ZSCAN25: variants seen among roughly 807,000 people sequenced by gnomAD.
ZSCAN25 encodes the protein zinc finger and SCAN domain-containing protein 25.
In ZSCAN25, 27 loss-of-function variants were observed where a neutral mutation model predicts 38.7. That is an observed-to-expected ratio of 0.70 (90% CI 0.51 to 0.96). The LOEUF (loss-of-function observed/expected upper bound fraction) is 0.96. Ranked by LOEUF, ZSCAN25 falls within the 40% of genes least tolerant of loss-of-function variation. The pLI, the probability that ZSCAN25 is intolerant of heterozygous loss-of-function variation, is 0.00. For synonymous variants in ZSCAN25, 273 were observed against 277.7 expected, an observed-to-expected ratio of 0.98 and a Z score of 0.17; for missense variants, 637 against 705.9, an observed-to-expected ratio of 0.90 and a Z score of 1.11.
Position 99,631,824 on chromosome 7 carries a change from G to A in ZSCAN25, c.*1804G>A. On this transcript the variant is annotated 3_prime_UTR_variant, in exon 8 of 8. Transcript: ENST00000394152. The stretch of plus-strand genomic sequence containing the variant: ...AGGCTGCACTGACTGGGTCGTAAAT[G>A]TATCTGAGATGTCCACACGGGGCTG... 2 of 985,464 alleles carry A rather than the reference G, an allele frequency of 2.0e-6. No individual in the cohort carries two copies. The highest frequency in any genetic ancestry group is 1.7e-5 in the African/African-American group (1 of 57,348). The allele number at this position is 985,464 out of a possible 1,614,324, so 61.0% of individuals were successfully genotyped here. A position where few individuals can be genotyped will look rare whatever the true frequency, so the allele number is the denominator to read the frequency against.
chr7:99,672,973 C>CTACT, the ZSCAN25 span: 15 of 1,027,776 alleles, frequency 1.5e-5, no homozygotes, highest in South Asian at 5.0e-4. Flanking sequence ...GTAGAGCATT[C>CTACT]GTTAAGCTGG....
At chr7:99,691,603 G>C in the ZSCAN25 span, among the ~76,000 whole-genome samples, 2 of 152,262 alleles carry the variant, frequency 1.3e-5, no homozygotes, top group East Asian at 1.9e-4. Context: ...ATATATTTAG[G>C]ATAGTTAGCT....
the ZSCAN25 span, chr7:99,638,670 C>A: frequency 6.4e-7 from 1 of 1,552,128 alleles, no homozygotes; most frequent in Non-Finnish European, 8.9e-7. Flanking sequence ...CCAGCTTCAA[C>A]ATTTACAGGA....
At chr7:99,644,702 G>T in the ZSCAN25 span, among the ~76,000 whole-genome samples, 2 of 152,144 alleles carry the variant, frequency 1.3e-5, no homozygotes, top group Non-Finnish European at 2.9e-5. Flanking sequence ...GAGTGGAGAA[G>T]CACATTCCTA....
chr7:99,713,011 G>A, the ZSCAN25 span, among the ~76,000 whole-genome samples: 1 of 152,190 alleles, frequency 6.6e-6, no homozygotes, highest in African/African-American at 2.4e-5. Context: ...AAAATTGCCA[G>A]TTAAAATCGC....
the ZSCAN25 span, among the ~76,000 whole-genome samples, chr7:99,709,464 A>AGT: frequency 6.6e-6 from 1 of 152,162 alleles, no homozygotes. Flanking sequence ...GGAGTTATGA[A>AGT]AGCAGGAGAC....
the ZSCAN25 span, among the ~76,000 whole-genome samples, chr7:99,677,506 G>A: frequency 1.3e-5 from 2 of 152,224 alleles, no homozygotes; most frequent in Non-Finnish European, 1.5e-5. Flanking sequence ...CCGGAGAGTT[G>A]TATTAAGACC....
At chr7:99,718,996 CAG>C in the ZSCAN25 span, among the ~76,000 whole-genome samples, 2 of 152,148 alleles carry the variant, frequency 1.3e-5, no homozygotes, top group Non-Finnish European at 2.9e-5. Context: ...TAAAAGCAAT[CAG>C]AGAAAATCTA....
chr7:99,661,980 T>C, the ZSCAN25 span, among the ~76,000 whole-genome samples: 1 of 152,274 alleles, frequency 6.6e-6, no homozygotes, highest in African/African-American at 2.4e-5. Flanking sequence ...TAGTGATTTC[T>C]ATATGAAACA....
the ZSCAN25 span, among the ~76,000 whole-genome samples, chr7:99,719,315 A>G: frequency 6.6e-6 from 1 of 152,210 alleles, no homozygotes; most frequent in African/African-American, 2.4e-5. Context: ...ACAGTGATCA[A>G]TGGGACAGAA....
At chr7:99,663,530 G>A in the ZSCAN25 span, 2 of 992,516 alleles carry the variant, frequency 2.0e-6, no homozygotes, top group Non-Finnish European at 2.4e-6. Flanking sequence ...CACACTACAT[G>A]TCAGCAGTCG....
At chr7:99,736,547 A>G in the ZSCAN25 span, among the ~76,000 whole-genome samples, 5 of 152,188 alleles carry the variant, frequency 3.3e-5, no homozygotes, top group South Asian at 2.1e-4. Context: ...GCTCATTATC[A>G]TCACTCACAC....
intron 7 of ZSCAN25, among the ~76,000 whole-genome samples, chr7:99,628,978 A>G (rs1453119389): frequency 1.3e-5 from 2 of 152,226 alleles, no homozygotes; most frequent in African/African-American, 2.4e-5. Flanking sequence ...GCAGCAAGAT[A>G]AGTGGGCGGG....
chr7:99,695,965 A>G, the ZSCAN25 span: 1 of 718,614 alleles, frequency 1.4e-6, no homozygotes, highest in South Asian at 1.8e-5. Flanking sequence ...ATAAATGATA[A>G]CAGTAACTCT....
the ZSCAN25 span, chr7:99,705,385 GC>G: frequency 8.6e-7 from 1 of 1,164,544 alleles, no homozygotes; most frequent in Admixed American, 1.8e-5. Context: ...TATTTATGCA[GC>G]ACATTGGATG....
chr7:99,645,806 T>G, the ZSCAN25 span, among the ~76,000 whole-genome samples: 1 of 152,224 alleles, frequency 6.6e-6, no homozygotes, highest in Admixed American at 6.5e-5. Flanking sequence ...TTTTTTTTTC[T>G]TGTACATTTA....
the ZSCAN25 span, among the ~76,000 whole-genome samples, chr7:99,691,187 G>A: frequency 1.6e-4 from 25 of 151,542 alleles, no homozygotes; most frequent in African/African-American, 4.4e-4. Flanking sequence ...GCAAACTATC[G>A]CAAGGACAAA....
At chr7:99,662,947 G>A in the ZSCAN25 span, 4 of 1,603,722 alleles carry the variant, frequency 2.5e-6, no homozygotes, top group South Asian at 3.3e-5. This position sits in a 1 kb window ranked among gnomAD's most constrained non-coding sequence, Gnocchi z 4.3. Flanking sequence ...TAAATCAAAA[G>A]TGCAGTCCTC....
chr7:99,735,113 C>T, the ZSCAN25 span: 5 of 1,613,800 alleles, frequency 3.1e-6, no homozygotes, highest in Non-Finnish European at 4.2e-6. Context: ...CCTTCCTTAT[C>T]TCTCTCCTCT....
Sources: gnomAD v4.1 joint callset for allele counts (sites outside exome capture counted in the v4.1 genomes callset) on GRCh38, gnomAD v4.1.1 for gene constraint, Gnocchi (gnomAD v3.1) non-coding constraint, MANE v1.5 for transcripts, NCBI Gene and HGNC (gene_info 2026-07-23, HGNC 2026-07-21) for gene names.